Variants in ZFAND3 observed in about 807,000 individuals in gnomAD.
ZFAND3 encodes AN1-type zinc finger protein 3.
A neutral mutation model predicts 29.6 loss-of-function variants in ZFAND3; 10 were observed. That is an observed-to-expected ratio of 0.34 (90% CI 0.21 to 0.57). The LOEUF (loss-of-function observed/expected upper bound fraction) is 0.57. ZFAND3 is among the 20% of genes least tolerant of loss of function. The pLI, the probability that ZFAND3 is intolerant of heterozygous loss-of-function variation, is 0.86. For synonymous variants in ZFAND3, 128 were observed against 112.6 expected, an observed-to-expected ratio of 1.14 and a Z score of -0.87; for missense variants, 230 against 304.5, an observed-to-expected ratio of 0.76 and a Z score of 1.82.
Position 38,082,445 on chromosome 6 carries a change from T to G in ZFAND3, c.349T>G (p.Ser117Ala). Residue 117 changes from serine to alanine, a missense_variant, in exon 4 of 6, where the codon TCC (serine) becomes GCC (alanine). Ser to Ala is a moderately conservative substitution (Grantham distance 99, BLOSUM62 1). This residue lies in a region of ZFAND3 where 180 missense variants were observed against 202.5 expected (regional missense o/e 0.89). Coordinates refer to ENST00000287218, the MANE Select transcript of ZFAND3 (RefSeq NM_021943.3). ...HVSLITPTKR[S>A]CGTDSQSENE... ...CTCATTAATCACACCAACAAAAAGA[T>G]CCTGTGGTACAGGTATGTACGTCAT... The G allele has an allele frequency of 6.2e-7, 1 of 1,611,982 alleles. No homozygotes were observed. Among genetic ancestry groups the G allele is most frequent in the Non-Finnish European group, 8.5e-7 (1 of 1,178,750 alleles).
intron 1 of ZFAND3, among the ~76,000 whole-genome samples, chr6:37,921,879 C>G (rs1206151408): frequency 7.4e-6 from 1 of 135,822 alleles, no homozygotes; most frequent in Non-Finnish European, 1.6e-5. Flanking sequence ...AACCCCATCT[C>G]TGCAAAAAAA....
chr6:37,884,148 A>G (rs1764947295), intron 1 of ZFAND3, among the ~76,000 whole-genome samples: 1 of 145,352 alleles, frequency 6.9e-6, no homozygotes, highest in South Asian at 2.1e-4. Context: ...TCAGGGCTTT[A>G]CAAGTGATTG....
At chr6:37,857,428 A>C (rs148018797) in intron 1 of ZFAND3, among the ~76,000 whole-genome samples, 1 of 152,284 alleles carries the variant, frequency 6.6e-6, no homozygotes, top group East Asian at 1.9e-4. Context: ...ATACCAGGCA[A>C]ACTGTGTGGG....
intron 2 of ZFAND3, among the ~76,000 whole-genome samples, chr6:37,978,989 C>T (rs1193653842): frequency 6.6e-6 from 1 of 151,534 alleles, no homozygotes; most frequent in Non-Finnish European, 1.5e-5. Flanking sequence ...TCTGGCTAGA[C>T]ATTTATCAAC....
intron 2 of ZFAND3, among the ~76,000 whole-genome samples, chr6:38,054,070 T>G (rs1764085626): frequency 1.3e-5 from 2 of 151,830 alleles, no homozygotes; most frequent in South Asian, 4.1e-4. Context: ...ATTGTATGTA[T>G]ATATTTTTAA....
chr6:38,106,564 A>G (rs1260551779), intron 4 of ZFAND3, among the ~76,000 whole-genome samples: 1 of 152,226 alleles, frequency 6.6e-6, no homozygotes, highest in African/African-American at 2.4e-5. Context: ...TCCAGGAGAT[A>G]CCTTGTCTGA....
chr6:38,059,653 A>C (rs182145021), intron 2 of ZFAND3, among the ~76,000 whole-genome samples: 1 of 152,236 alleles, frequency 6.6e-6, no homozygotes, highest in Admixed American at 6.5e-5. Flanking sequence ...TGAGGCGGGC[A>C]GATCACCTGA....
At chr6:38,082,692 C>T (rs1408296461) in intron 4 of ZFAND3, among the ~76,000 whole-genome samples, 1 of 152,114 alleles carries the variant, frequency 6.6e-6, no homozygotes, top group African/African-American at 2.4e-5. Context: ...TCAAAATATA[C>T]ATAATTTCTA....
At chr6:38,141,750 G>A (rs1459338205) in intron 5 of ZFAND3, among the ~76,000 whole-genome samples, 1 of 152,088 alleles carries the variant, frequency 6.6e-6, no homozygotes, top group African/African-American at 2.4e-5. Context: ...CAGAAAAAAT[G>A]TTGTGTGAAT....
At chr6:37,937,525 C>A (rs1439910438) in intron 2 of ZFAND3, among the ~76,000 whole-genome samples, 1 of 151,898 alleles carries the variant, frequency 6.6e-6, no homozygotes, top group Non-Finnish European at 1.5e-5. Flanking sequence ...CCTGGTGGCA[C>A]ATGCCTGTAA....
chr6:38,001,073 G>T (rs947858178), intron 2 of ZFAND3, among the ~76,000 whole-genome samples: 1 of 152,146 alleles, frequency 6.6e-6, no homozygotes, highest in Non-Finnish European at 1.5e-5. Context: ...AGAATGCAGG[G>T]TAATTTAGAA....
chr6:37,954,741 CAGTTA>C (rs1245488283), intron 2 of ZFAND3, among the ~76,000 whole-genome samples: 2 of 152,150 alleles, frequency 1.3e-5, no homozygotes, highest in Non-Finnish European at 2.9e-5. Context: ...TTCTGGGATA[CAGTTA>C]AGTTACTTGG....
intron 5 of ZFAND3, among the ~76,000 whole-genome samples, chr6:38,148,338 T>C (rs2127498396): frequency 6.6e-6 from 1 of 152,340 alleles, no homozygotes. Context: ...AAGAATTACA[T>C]GCTACCCTGG....
chr6:37,901,688 T>C (rs1409238369), intron 1 of ZFAND3, among the ~76,000 whole-genome samples: 1 of 152,222 alleles, frequency 6.6e-6, no homozygotes, highest in East Asian at 1.9e-4. Flanking sequence ...TAACTTCCAG[T>C]ATGTTTCAGT....
intron 1 of ZFAND3, among the ~76,000 whole-genome samples, chr6:37,916,224 CA>C (rs1761251271): frequency 6.6e-6 from 1 of 152,048 alleles, no homozygotes; most frequent in Non-Finnish European, 1.5e-5. Context: ...TGAAATATTG[CA>C]AACCTTATCA....
intron 1 of ZFAND3, among the ~76,000 whole-genome samples, chr6:37,928,241 A>G (rs1009498721): frequency 4.6e-5 from 7 of 152,228 alleles, no homozygotes; most frequent in African/African-American, 1.7e-4. Context: ...AATCAGCATC[A>G]GAGAATACTT....
intron 1 of ZFAND3, among the ~76,000 whole-genome samples, chr6:37,833,525 A>T (rs181920723): frequency 1.3e-5 from 2 of 151,850 alleles, no homozygotes; most frequent in East Asian, 1.9e-4. Context: ...TTGGTAGATT[A>T]AAAAAAATAG....
At chr6:37,868,126 G>GT (rs1302104585) in intron 1 of ZFAND3, among the ~76,000 whole-genome samples, 1 of 152,122 alleles carries the variant, frequency 6.6e-6, no homozygotes, top group Non-Finnish European at 1.5e-5. Context: ...AATTTGATGA[G>GT]TTTTTTCCTT....
chr6:37,914,243 A>G (rs1199771443), intron 1 of ZFAND3, among the ~76,000 whole-genome samples: 3 of 152,178 alleles, frequency 2.0e-5, no homozygotes, highest in Non-Finnish European at 4.4e-5. Context: ...AGTTCTTAAC[A>G]GTGGGCTTAA....
Sources: gnomAD v4.1 joint callset for allele counts (sites outside exome capture counted in the v4.1 genomes callset) on GRCh38, gnomAD v4.1.1 for gene constraint, gnomAD v4.1.1 regional missense constraint, MANE v1.5 for transcripts, NCBI Gene and HGNC (gene_info 2026-07-23, HGNC 2026-07-21) for gene names.